Variants in STAG2 observed in about 807,000 individuals in gnomAD.
The protein encoded by STAG2 is cohesin subunit SA-2.
STAG2 carries 14 observed loss-of-function variants against 108.1 expected under a neutral mutation model. The observed-to-expected ratio is 0.13, with a 90% confidence interval of 0.09 to 0.20. STAG2 has a LOEUF of 0.20. Ranked by LOEUF, STAG2 falls within the 10% of genes least tolerant of loss-of-function variation. The pLI is 1.00. For synonymous variants in STAG2, 307 were observed against 302.7 expected, an observed-to-expected ratio of 1.01 and a Z score of -0.15; for missense variants, 440 against 940.9, an observed-to-expected ratio of 0.47 and a Z score of 6.96.
chrX:124,078,350 T>G (rs1304649904), intron 27 of STAG2, among the ~76,000 whole-genome samples: 1 of 105,656 alleles, frequency 9.5e-6, no homozygotes, highest in East Asian at 2.8e-4. Context: ...AAATCTACTC[T>G]TTTATCCAAG....
chrX:124,031,347 T>C (rs890199341), intron 5 of STAG2, among the ~76,000 whole-genome samples: 1 of 110,542 alleles, frequency 9.0e-6, no homozygotes, highest in Non-Finnish European at 1.9e-5. Flanking sequence ...TTCTTTTTTC[T>C]TATTTATTTT....
rs1275920403 is a variant in STAG2 at position 124,051,455 on chromosome X, G to A, written c.1196+61G>A. On this transcript the variant is annotated intron_variant, in intron 13 of 34. Transcript: ENST00000371145. ...TCAGATATCTAAATAATATATTAGA[G>A]TATTTGGTTCAGACTCATCTAGGTC... 1.4e-5 allele frequency: 13 copies of A among 942,129 alleles called. No homozygotes were observed. In the Admixed American group the frequency reaches 3.0e-4, roughly 22 times the overall value. The allele number at this position is 942,129 out of a possible 1,213,427, so 77.6% of individuals were successfully genotyped here. A position where few individuals can be genotyped will look rare whatever the true frequency, so the allele number is the denominator to read the frequency against.
At chrX:124,043,513 C>T (rs752313497) in intron 7 of STAG2, among the ~76,000 whole-genome samples, 94 of 111,277 alleles carry the variant, frequency 8.4e-4, no homozygotes, top group Middle Eastern at 4.7e-3. Context: ...AAGGCTGTTA[C>T]GAAGATTGAA....
At chrX:124,067,406 C>T (rs1475185606) in intron 23 of STAG2, among the ~76,000 whole-genome samples, 5 of 108,926 alleles carry the variant, frequency 4.6e-5, no homozygotes. Flanking sequence ...GTAGCTGAAA[C>T]TGCAGTCATG....
chrX:123,972,695 A>G (rs1446987339), intron 1 of STAG2, among the ~76,000 whole-genome samples: 1 of 107,923 alleles, frequency 9.3e-6, no homozygotes, highest in Non-Finnish European at 1.9e-5. Flanking sequence ...GGGAGACAAA[A>G]GGTTATTTTG....
chrX:124,066,299 A>T, intron 22 of STAG2, 37 bp downstream of exon 22: 1 of 1,187,330 alleles, frequency 8.4e-7, no homozygotes, highest in Non-Finnish European at 1.1e-6. Flanking sequence ...TTTATCTTTG[A>T]AAAGTGAAGT....
intron 6 of STAG2, among the ~76,000 whole-genome samples, chrX:124,039,640 C>CT (rs11352016): frequency 2.8e-4 from 25 of 90,609 alleles, no homozygotes; most frequent in African/African-American, 7.2e-4. Flanking sequence ...TTCTTTCTTT[C>CT]TTTTTTTTTT....
Position 124,022,613 on chromosome X carries a change from G to T in STAG2, c.-15G>T, listed in dbSNP as rs1008671278. The T allele has an allele frequency of 2.6e-6, 3 of 1,166,242 alleles. No homozygotes were observed. In the African/African-American group the frequency reaches 5.4e-5, roughly 21 times the overall value. ...ATATTTCTGACATTGAGGTGTTCCAGAAGATGATAAAGAAATGATAGCAGC... is the reference window on the plus strand; with the variant it reads ...ATATTTCTGACATTGAGGTGTTCCATAAGATGATAAAGAAATGATAGCAGC... On this transcript the variant is annotated 5_prime_UTR_variant, in exon 3 of 35. Transcript: ENST00000371145.
At chrX:123,998,638 C>T (rs2055882229) in intron 1 of STAG2, among the ~76,000 whole-genome samples, 1 of 108,268 alleles carries the variant, frequency 9.2e-6, no homozygotes, top group African/African-American at 3.4e-5. Context: ...ATCTATCTAA[C>T]TAACTGATGG....
intron 3 of STAG2, among the ~76,000 whole-genome samples, chrX:124,024,532 C>G (rs1324615956): frequency 9.0e-6 from 1 of 110,934 alleles, no homozygotes; most frequent in Non-Finnish European, 1.9e-5. Context: ...CAGGCCCTTT[C>G]CTCTCAACAT....
chrX:124,020,739 T>C (rs1380182352), intron 1 of STAG2, among the ~76,000 whole-genome samples: 1 of 112,092 alleles, frequency 8.9e-6, no homozygotes, highest in Non-Finnish European at 1.9e-5. Flanking sequence ...AGACAGAGTC[T>C]CGCTTTGTCA....
At chrX:124,007,799 C>T (rs2056360458) in intron 1 of STAG2, among the ~76,000 whole-genome samples, 1 of 112,258 alleles carries the variant, frequency 8.9e-6, no homozygotes, top group East Asian at 2.8e-4. Context: ...GCAGACCTAA[C>T]AGAAGACTTT....
At chrX:124,067,206 A>G (rs2058554394) in intron 23 of STAG2, among the ~76,000 whole-genome samples, 1 of 111,406 alleles carries the variant, frequency 9.0e-6, no homozygotes, top group South Asian at 3.7e-4. Flanking sequence ...TGTTATATCT[A>G]CAAATGGATT....
chrX:124,008,883 T>C (rs2056400350), intron 1 of STAG2, among the ~76,000 whole-genome samples: 1 of 111,575 alleles, frequency 9.0e-6, no homozygotes, highest in African/African-American at 3.3e-5. Flanking sequence ...AGGATAATTA[T>C]AACACATTTT....
At chrX:124,065,733 T>G in intron 20 of STAG2, 143 bp from the exon 21 acceptor site, 1 of 337,180 alleles carries the variant, frequency 3.0e-6, no homozygotes, top group Non-Finnish European at 5.0e-6. Flanking sequence ...TTGCCTTAAA[T>G]TTGGCCAGAT....
Position 124,065,957 on chromosome X carries a change from T to A in STAG2, c.2096+11T>A, listed in dbSNP as rs1478156836. 1 of 1,153,276 alleles carries A rather than the reference T, an allele frequency of 8.7e-7. No homozygotes were observed. Among genetic ancestry groups the A allele is most frequent in the East Asian group, 3.1e-5 (1 of 32,346 alleles). ...CACTGCTTTTCATAAGTAAGTTGAA[T>A]TTTGAAGTTCCTGTTTTCTTAAATC... On this transcript the variant is annotated intron_variant, in intron 21 of 34. Coordinates refer to ENST00000371145, the MANE Select transcript of STAG2 (RefSeq NM_001042750.2).
In STAG2 at chrX:123,962,055, C is replaced by T. The variant is rs192373497; in HGVS notation, c.-163+199C>T. Reference sequence around the variant, plus strand: ...TTTAGTGCTGCTTTTCATTCCCACCCCCACCCGCACTGTCTTTCTCAAGGC... The same window carrying T: ...TTTAGTGCTGCTTTTCATTCCCACCTCCACCCGCACTGTCTTTCTCAAGGC... On this transcript the variant is annotated intron_variant, in intron 1 of 34. Coordinates refer to ENST00000371145, the MANE Select transcript of STAG2 (RefSeq NM_001042750.2). 1.8e-3 allele frequency: 205 copies of T among 111,713 alleles called. 1 individual carries two copies. The highest frequency in any genetic ancestry group is 3.0e-3 in the Non-Finnish European group (157 of 53,113). The allele number at this position is 111,713 out of a possible 1,213,427, so 9.2% of individuals were successfully genotyped here. A position where few individuals can be genotyped will look rare whatever the true frequency, so the allele number is the denominator to read the frequency against.
chrX:123,983,209 A>G (rs1336504040), intron 1 of STAG2, among the ~76,000 whole-genome samples: 1 of 109,558 alleles, frequency 9.1e-6, no homozygotes, highest in Admixed American at 9.7e-5. Context: ...AGTATACAGT[A>G]GTTTTTAGTA....
intron 6 of STAG2, among the ~76,000 whole-genome samples, chrX:124,038,587 C>T (rs928125708): frequency 9.0e-6 from 1 of 110,693 alleles, no homozygotes; most frequent in African/African-American, 3.3e-5. Context: ...TTAAAGATAC[C>T]GTAATATCTT....
Sources: gnomAD v4.1 joint callset for allele counts (sites outside exome capture counted in the v4.1 genomes callset) on GRCh38, gnomAD v4.1.1 for gene constraint, MANE v1.5 for transcripts, NCBI Gene and HGNC (gene_info 2026-07-23, HGNC 2026-07-21) for gene names.